FBXL2: variants seen among roughly 807,000 people sequenced by gnomAD.
FBXL2 encodes the protein F-box and leucine rich repeat protein 2.
A neutral mutation model predicts 69.2 loss-of-function variants in FBXL2; 38 were observed. That is an observed-to-expected ratio of 0.55 (90% CI 0.42 to 0.72). FBXL2 has a LOEUF of 0.72. Among genes scored for constraint, FBXL2 ranks in the 30% least tolerant of loss-of-function variants. The pLI is 0.00. For missense variants in FBXL2, 354 were observed against 520.3 expected, an observed-to-expected ratio of 0.68 and a Z score of 3.11; for synonymous variants, 192 against 201.3, an observed-to-expected ratio of 0.95 and a Z score of 0.39.
chr3:33,392,216 A>C (rs2043795679), downstream of FBXL2: 2 of 197,332 alleles, frequency 1.0e-5, no homozygotes, highest in South Asian at 2.7e-4. Context: ...AATTTTGTGT[A>C]TCTCTTGGCC....
chr3:33,331,553 G>T (rs1344219226), intron 2 of FBXL2, among the ~76,000 whole-genome samples: 2 of 152,130 alleles, frequency 1.3e-5, no homozygotes, highest in East Asian at 3.9e-4. Flanking sequence ...GAGAAATCTA[G>T]TGGTATTTAT....
chr3:33,361,098 ATTTTTTTT>A (rs58660334), intron 4 of FBXL2, among the ~76,000 whole-genome samples: 1 of 116,340 alleles, frequency 8.6e-6, no homozygotes, highest in African/African-American at 3.3e-5. Flanking sequence ...CGCCCGGCTA[ATTTTTTTT>A]TTTTTTTTTT....
the FBXL2 span, among the ~76,000 whole-genome samples, chr3:33,417,724 G>C: frequency 6.6e-6 from 1 of 152,130 alleles, no homozygotes; most frequent in Non-Finnish European, 1.5e-5. Flanking sequence ...TAATAAAAAT[G>C]ACAGTATAAT....
chr3:33,279,380 C>A (rs1231208607), intron 1 of FBXL2, among the ~76,000 whole-genome samples: 1 of 152,038 alleles, frequency 6.6e-6, no homozygotes, highest in Non-Finnish European at 1.5e-5. Context: ...ACGCCATTCT[C>A]CTGCCTCAGC....
chr3:33,368,662 C>T (rs111616194), intron 5 of FBXL2, among the ~76,000 whole-genome samples: 2,026 of 151,526 alleles, frequency 0.013, 20 homozygotes, highest in South Asian at 0.027. Flanking sequence ...TGGAGTGCAG[C>T]TCACTGCAGC....
downstream of FBXL2, among the ~76,000 whole-genome samples, chr3:33,407,632 C>A (rs911453924): frequency 2.6e-5 from 4 of 151,128 alleles, no homozygotes; most frequent in African/African-American, 9.7e-5. Context: ...AGTTTCATTG[C>A]ATAGAGAAGC....
intron 1 of FBXL2, among the ~76,000 whole-genome samples, chr3:33,279,999 T>C (rs2033796115): frequency 6.6e-6 from 1 of 152,220 alleles, no homozygotes; most frequent in Admixed American, 6.5e-5. Context: ...TTTCCTCATA[T>C]ATATGTTAGG....
At chr3:33,321,910 G>A (rs1356516871) in intron 2 of FBXL2, among the ~76,000 whole-genome samples, 1 of 152,072 alleles carries the variant, frequency 6.6e-6, no homozygotes, top group African/African-American at 2.4e-5. Context: ...GTGCATGACT[G>A]TACATTGCTG....
At chr3:33,345,702 A>G (rs2040381435) in intron 2 of FBXL2, among the ~76,000 whole-genome samples, 1 of 152,244 alleles carries the variant, frequency 6.6e-6, no homozygotes, top group Non-Finnish European at 1.5e-5. Flanking sequence ...ATGTTCCTAC[A>G]GACCACAATG....
intron 2 of FBXL2, among the ~76,000 whole-genome samples, chr3:33,310,532 C>T (rs756902487): frequency 4.6e-5 from 7 of 151,910 alleles, no homozygotes; most frequent in African/African-American, 9.7e-5. Context: ...TAGAGTATTC[C>T]GAATTTTACT....
rs749913182 is a variant in FBXL2 at position 33,373,286 on chromosome 3, G to T, written c.386G>T (p.Cys129Phe). 6.2e-7 allele frequency: 1 copy of T among 1,614,148 alleles called. No individual in the cohort carries two copies. The highest frequency in any genetic ancestry group is 8.5e-7 in the Non-Finnish European group (1 of 1,180,010). The change falls in exon 7 of 15, where the codon TGT becomes TTT. Residue 129 changes from cysteine (C) to phenylalanine (F), a missense_variant. Cys to Phe is a radical substitution (Grantham distance 205). Transcript: ENST00000484457. The stretch of plus-strand genomic sequence containing the variant: ...ACGTGTTATAGCCTTAGCAGATTCT[G>T]TTCCAAGCTGAAACATCTGGATCTG... Reference protein sequence around the residue: ...DSTCYSLSRFCSKLKHLDLTS... With the variant: ...DSTCYSLSRFFSKLKHLDLTS...
chr3:33,330,489 A>C (rs1377572245), intron 2 of FBXL2, among the ~76,000 whole-genome samples: 2 of 152,230 alleles, frequency 1.3e-5, no homozygotes, highest in Non-Finnish European at 2.9e-5. Flanking sequence ...AATAACTGGA[A>C]GAAAATAATT....
intron 1 of FBXL2, among the ~76,000 whole-genome samples, chr3:33,295,901 G>T (rs1018707330): frequency 6.6e-6 from 1 of 152,042 alleles, no homozygotes; most frequent in Non-Finnish European, 1.5e-5. Flanking sequence ...CAAATCTTTT[G>T]CCCATTGTAA....
rs147868956 is a variant in FBXL2, at chr3:33,373,689, G to C, written c.567G>C (p.Leu189=). The change falls in exon 8 of 15, where the codon CTG becomes CTC. Residue 189 remains leucine (L), a synonymous_variant. Transcript: ENST00000484457. Reference sequence around the variant, plus strand: ...GTCGAGGCCTGAAAGCCCTGCTCCTGAGGGGCTGCACACAGGTACCAGAGG... The same window carrying C: ...GTCGAGGCCTGAAAGCCCTGCTCCTCAGGGGCTGCACACAGGTACCAGAGG... ...RGCRGLKALL[L]RGCTQLEDEA... 1.7e-4 allele frequency: 281 copies of C among 1,614,194 alleles called. 3 individuals are homozygous for C. In the East Asian group the frequency reaches 6.2e-3, roughly 36 times the overall value.
intron 2 of FBXL2, among the ~76,000 whole-genome samples, chr3:33,308,668 T>C (rs1317340399): frequency 6.6e-6 from 1 of 152,186 alleles, no homozygotes; most frequent in Non-Finnish European, 1.5e-5. Context: ...TTCCTATTTC[T>C]CTCAGCCCCC....
the FBXL2 span, among the ~76,000 whole-genome samples, chr3:33,420,376 A>G: frequency 6.6e-6 from 1 of 151,980 alleles, no homozygotes. Flanking sequence ...CCCAGGCTGG[A>G]GTACAGTGGT....
At chr3:33,352,924 CAAAA>C (rs1182244596) in intron 2 of FBXL2, among the ~76,000 whole-genome samples, 4 of 150,706 alleles carry the variant, frequency 2.7e-5, no homozygotes, top group Non-Finnish European at 5.9e-5. Flanking sequence ...CAAAACAAAA[CAAAA>C]AAACCCATCT....
chr3:33,335,101 AAATAATAAT>A (rs148912671), intron 2 of FBXL2, among the ~76,000 whole-genome samples: 2 of 151,146 alleles, frequency 1.3e-5, no homozygotes, highest in African/African-American at 2.5e-5. Context: ...ACCTTGTCTC[AAATAATAAT>A]AATAATAATA....
intron 2 of FBXL2, among the ~76,000 whole-genome samples, chr3:33,308,731 A>T (rs1032800032): frequency 3.9e-5 from 6 of 152,092 alleles, no homozygotes; most frequent in Non-Finnish European, 8.8e-5. Context: ...GCTATATTAT[A>T]ATATTATAAA....
Sources: allele counts gnomAD v4.1 joint callset (sites outside exome capture counted in the v4.1 genomes callset), GRCh38; gene constraint gnomAD v4.1.1; transcripts MANE v1.5; gene names NCBI Gene and HGNC (gene_info 2026-07-23, HGNC 2026-07-21).